The following TOP1MT variants were observed in gnomAD, a reference collection of about 807,000 sequenced individuals.
The protein encoded by TOP1MT is DNA topoisomerase I, mitochondrial.
A neutral mutation model predicts 73.9 loss-of-function variants in TOP1MT; 80 were observed. The ratio of observed to expected loss-of-function variants is 1.08; its 90% confidence interval spans 0.90 to 1.30. The LOEUF is 1.30. Ranked by LOEUF, TOP1MT falls within the 50% of genes most tolerant of loss-of-function variation. The probability of loss-of-function intolerance (pLI) is 0.00; values close to 1 mark genes in which losing one functional copy is unlikely to be tolerated. For missense variants in TOP1MT, 815 were observed against 808.0 expected (o/e 1.01, Z -0.10); for synonymous variants, 338 against 326.4 (o/e 1.04, Z -0.38).
upstream of TOP1MT, among the ~76,000 whole-genome samples, chr8:143,357,073 G>A (rs1489094578): frequency 3.7e-4 from 49 of 131,028 alleles, no homozygotes; most frequent in Admixed American, 3.1e-3. Flanking sequence ...CAGCCTGGGC[G>A]ACAGAGTGAG....
In TOP1MT at chr8:143,325,816, G is replaced by A. The variant is rs186392563; in HGVS notation, c.484-283C>T. On this transcript the variant is annotated intron_variant, in intron 4 of 13. Transcript: ENST00000329245. ...AGCAGTAAAGCCAGGTGGAGGGAGC[G>A]TGGCTGCCCGCCATGGAGGAGGAGG... Among the ~76,000 whole-genome samples the A allele has an allele frequency of 5.9e-3, 891 of 152,258 alleles. 10 individuals carry two copies. Among genetic ancestry groups the A allele is most frequent in the Non-Finnish European group, 9.4e-3 (640 of 67,986 alleles).
At chr8:143,320,943 G>C (rs1022306236) in intron 8 of TOP1MT, among the ~76,000 whole-genome samples, 1 of 151,996 alleles carries the variant, frequency 6.6e-6, no homozygotes, top group East Asian at 1.9e-4. Flanking sequence ...TGCTCCGGCC[G>C]GGGGGCAGGA....
chr8:143,344,078 G>A lies in TOP1MT; in HGVS notation c.-38-792C>T, dbSNP rs1266964637. ...CTGGGCCAGCCGAGAAAGGTGAGAG[G>A]AGGCCCTGTTGTAACACAGCTGGAA... On this transcript the variant is annotated intron_variant, in intron 1 of 5. Coordinates refer to the TOP1MT transcript ENST00000518007. The surrounding 1 kb of genome is among the most constrained non-coding windows in gnomAD (Gnocchi z 4.6). 6.6e-6 allele frequency: 1 copy of A among 152,298 alleles called. No homozygotes were observed. The highest frequency in any genetic ancestry group is 1.9e-4 in the East Asian group (1 of 5,208). The allele number at this position is 152,298 out of a possible 1,614,324, so 9.4% of individuals were successfully genotyped here.
intron 12 of TOP1MT, among the ~76,000 whole-genome samples, chr8:143,311,741 C>G (rs1011116519): frequency 2.7e-5 from 2 of 72,962 alleles, no homozygotes; most frequent in African/African-American, 1.1e-4. Flanking sequence ...GTGAGAGACT[C>G]TGTGTCAAAA....
At chr8:143,315,131 G>A (rs1250565371) in intron 12 of TOP1MT, among the ~76,000 whole-genome samples, 1 of 152,108 alleles carries the variant, frequency 6.6e-6, no homozygotes, top group South Asian at 2.1e-4. Context: ...GGAGTTTAGA[G>A]AAGACTCTAC....
rs1307182979 is a variant in TOP1MT, at chr8:143,334,750, T to G, written c.112A>C (p.Ser38Arg). ...VPGSRRTQKGSGARWEKEKHE... is the reference protein window; with the variant it reads ...VPGSRRTQKGRGARWEKEKHE... ...ACTGGGACACCTTACCTGGCTCCAC[T>G]GCCCTTCTGCGTCCTGCGCGAGCCC... The change falls in exon 1 of 14, where the codon AGT (serine) becomes CGT (arginine). Residue 38 changes from serine (S) to arginine (R), a missense_variant. Transcript: ENST00000329245. 1.9e-6 allele frequency: 3 copies of G among 1,600,096 alleles called. No homozygotes were observed. The highest frequency in any genetic ancestry group is 2.6e-6 in the Non-Finnish European group (3 of 1,174,506).
intron 9 of TOP1MT, 32 bp downstream of exon 9, chr8:143,317,986 G>A (rs368793499): frequency 3.5e-5 from 56 of 1,612,182 alleles, no homozygotes; most frequent in Admixed American, 3.3e-4. Flanking sequence ...TCCTGCCGCC[G>A]CCCACTGCTG....
chr8:143,345,540 C>T (rs553872011), upstream of TOP1MT, among the ~76,000 whole-genome samples: 9 of 152,358 alleles, frequency 5.9e-5, no homozygotes, highest in Non-Finnish European at 1.2e-4. Flanking sequence ...CAGGGCCTCT[C>T]GGGCTATACT....
At chr8:143,313,550 C>CAA (rs34073373) in intron 12 of TOP1MT, among the ~76,000 whole-genome samples, 12,732 of 103,260 alleles carry the variant, frequency 0.12, 976 homozygotes, top group African/African-American at 0.19. Context: ...ACTCCATCAC[C>CAA]AAAAAAAAAA....
chr8:143,317,422 C>A (rs1348958045), intron 10 of TOP1MT, among the ~76,000 whole-genome samples: 1 of 152,220 alleles, frequency 6.6e-6, no homozygotes, highest in African/African-American at 2.4e-5. Flanking sequence ...CAAGAAAGAA[C>A]CCTGAGGAGG....
chr8:143,330,245 A>G (rs1816816248), intron 2 of TOP1MT, among the ~76,000 whole-genome samples: 1 of 151,922 alleles, frequency 6.6e-6, no homozygotes, highest in Admixed American at 6.5e-5. Context: ...ACGCGACACC[A>G]CCACTCCCCG....
chr8:143,350,387 A>C (rs1370192314), intron 1 of TOP1MT: 1 of 152,246 alleles, frequency 6.6e-6, no homozygotes, highest in African/African-American at 2.4e-5. Context: ...GTTGGAGTTC[A>C]GTGGCACGGT....
chr8:143,330,022 T>C (rs1816811106), intron 2 of TOP1MT, among the ~76,000 whole-genome samples: 1 of 152,208 alleles, frequency 6.6e-6, no homozygotes, highest in Non-Finnish European at 1.5e-5. Flanking sequence ...TTCTTTCAAC[T>C]GCACGTCTGA....
intron 8 of TOP1MT, among the ~76,000 whole-genome samples, chr8:143,320,130 A>C (rs1816288916): frequency 6.6e-6 from 1 of 151,958 alleles, no homozygotes. Flanking sequence ...TCTTGAAAAA[A>C]GAAAAAAAAT....
At chr8:143,348,893 C>T (rs1175663426), upstream of TOP1MT, among the ~76,000 whole-genome samples, 1 of 152,194 alleles carries the variant, frequency 6.6e-6, no homozygotes, top group Non-Finnish European at 1.5e-5. This position sits in a 1 kb window ranked among gnomAD's most constrained non-coding sequence, Gnocchi z 4.6. Context: ...TCAGCACACC[C>T]CAACTCACCC....
chr8:143,343,445 C>T, intron 1 of TOP1MT: 1 of 350,416 alleles, frequency 2.9e-6, no homozygotes, highest in South Asian at 2.2e-5. Context: ...TGCTGGTGAC[C>T]CACGTGCTGG....
chr8:143,309,805 G>A, intron 13 of TOP1MT: 1 of 1,533,698 alleles, frequency 6.5e-7, no homozygotes, highest in Non-Finnish European at 8.7e-7. Flanking sequence ...CCTGTGGGCA[G>A]GCTGAGCTCC....
At chr8:143,356,881 C>T (rs1817418256), upstream of TOP1MT, among the ~76,000 whole-genome samples, 1 of 150,144 alleles carries the variant, frequency 6.7e-6, no homozygotes, top group African/African-American at 2.5e-5. Flanking sequence ...ATCACAAGGT[C>T]AGGAGATCAA....
upstream of TOP1MT, among the ~76,000 whole-genome samples, chr8:143,358,094 G>A (rs563251669): frequency 6.6e-6 from 1 of 152,180 alleles, no homozygotes; most frequent in African/African-American, 2.4e-5. Flanking sequence ...CTACACAAAA[G>A]TAATAATATA....
Sources: allele counts gnomAD v4.1 joint callset (sites outside exome capture counted in the v4.1 genomes callset), GRCh38; gene constraint gnomAD v4.1.1; non-coding constraint Gnocchi (gnomAD v3.1); transcripts MANE v1.5; gene names NCBI Gene and HGNC (gene_info 2026-07-23, HGNC 2026-07-21).